Variants in FHIT observed in about 807,000 individuals in gnomAD.
FHIT encodes bis(5'-adenosyl)-triphosphatase.
FHIT carries 19 observed loss-of-function variants against 17.9 expected under a neutral mutation model. That is an observed-to-expected ratio of 1.06 (90% confidence interval 0.74 to 1.56). The LOEUF (loss-of-function observed/expected upper bound fraction) is 1.56. Among genes scored for constraint, FHIT ranks in the 40% most tolerant of loss-of-function variants. The pLI is 0.00. For synonymous variants in FHIT, 81 were observed against 69.7 expected, an observed-to-expected ratio of 1.16 and a Z score of -0.81; for missense variants, 248 against 189.2, an observed-to-expected ratio of 1.31 and a Z score of -1.82.
At chr3:60,339,753 G>T (rs749251820) in intron 5 of FHIT, among the ~76,000 whole-genome samples, 2 of 152,204 alleles carry the variant, frequency 1.3e-5, no homozygotes, top group African/African-American at 2.4e-5. Flanking sequence ...TGTGTGCACA[G>T]AAACCAACTC....
chr3:60,124,856 T>C (rs1449692843), intron 5 of FHIT, among the ~76,000 whole-genome samples: 2 of 152,178 alleles, frequency 1.3e-5, no homozygotes, highest in Non-Finnish European at 2.9e-5. Flanking sequence ...AAGTCCAAGC[T>C]TTCAGTGATT....
intron 5 of FHIT, among the ~76,000 whole-genome samples, chr3:60,420,331 T>C (rs1702422075): frequency 6.6e-6 from 1 of 152,170 alleles, no homozygotes; most frequent in African/African-American, 2.4e-5. Context: ...TTCATTCAAC[T>C]AGTCTCAAGT....
rs536683273 is a variant in FHIT at position 60,722,882 on chromosome 3, C to G, written c.-18+99037G>C. ...AGATTACAGGCAGGAGCCGCCACAT[C>G]CAGCGAATTTTTTGTAGTTTTAGTA... is the stretch of plus-strand genomic sequence containing the variant. On this transcript the variant is annotated intron_variant, in intron 4 of 9. Transcript: ENST00000492590. Among the ~76,000 whole-genome samples the G allele has an allele frequency of 3.3e-5, 5 of 152,118 alleles. No homozygotes were observed. In the South Asian group the frequency reaches 1.0e-3, roughly 32 times the overall value.
At chr3:60,089,840 T>C (rs115894613) in intron 5 of FHIT, among the ~76,000 whole-genome samples, 5,200 of 152,228 alleles carry the variant, frequency 0.034, 118 homozygotes, top group Non-Finnish European at 0.043. Context: ...TCTCGTAATA[T>C]TGTTGAATTG....
chr3:60,506,147 T>C (rs1282216160), intron 5 of FHIT, among the ~76,000 whole-genome samples: 1 of 152,188 alleles, frequency 6.6e-6, no homozygotes, highest in Non-Finnish European at 1.5e-5. Context: ...TAATTGAGCT[T>C]TCCATGTTAT....
chr3:60,638,599 T>C (rs566624466), intron 4 of FHIT, among the ~76,000 whole-genome samples: 2 of 152,142 alleles, frequency 1.3e-5, no homozygotes, highest in Non-Finnish European at 2.9e-5. Context: ...GTAATTTTAA[T>C]TTGAGATGTT....
Position 60,849,654 on chromosome 3 carries a change from A to G in FHIT, c.-110-27643T>C, listed in dbSNP as rs537464527. ...GAGCAGTCTGATTTACTTTGGTATC[A>G]AACAGACCTGCTTCTAAATGCCATT... On this transcript the variant is annotated intron_variant, in intron 3 of 9. Transcript: ENST00000492590. Among the ~76,000 whole-genome samples the G allele has an allele frequency of 4.6e-5, 7 of 152,148 alleles. 1 individual carries two copies. The highest frequency in any genetic ancestry group is 2.6e-4 in the Admixed American group (4 of 15,266).
At chr3:60,142,481 TTTA>T (rs1700079270) in intron 5 of FHIT, among the ~76,000 whole-genome samples, 1 of 143,408 alleles carries the variant, frequency 7.0e-6, no homozygotes, top group African/African-American at 2.6e-5. Flanking sequence ...TGCCAGGCTA[TTTA>T]TTTTTTAATT....
chr3:60,348,600 T>C (rs1710915850), intron 5 of FHIT, among the ~76,000 whole-genome samples: 1 of 152,218 alleles, frequency 6.6e-6, no homozygotes, highest in Admixed American at 6.5e-5. Context: ...TAAGTATACC[T>C]GGGACTTGGC....
intron 4 of FHIT, among the ~76,000 whole-genome samples, chr3:60,802,605 T>C (rs543115351): frequency 5.9e-5 from 9 of 152,310 alleles, no homozygotes; most frequent in African/African-American, 2.2e-4. Context: ...CAATATTTGT[T>C]TTTTTGTTTT....
intron 3 of FHIT, among the ~76,000 whole-genome samples, chr3:60,951,013 A>G (rs1222843881): frequency 1.3e-5 from 2 of 152,158 alleles, no homozygotes; most frequent in Admixed American, 6.5e-5. Context: ...TCAGCTCTAG[A>G]TTATCCTCTA....
intron 4 of FHIT, among the ~76,000 whole-genome samples, chr3:60,765,764 C>T (rs797040965): frequency 7.2e-5 from 11 of 152,326 alleles, no homozygotes; most frequent in African/African-American, 2.4e-4. Flanking sequence ...GAAAGATCCA[C>T]CTTCAGTGTG....
chr3:60,335,411 G>C (rs1208279699), intron 5 of FHIT, among the ~76,000 whole-genome samples: 1 of 152,150 alleles, frequency 6.6e-6, no homozygotes, highest in Non-Finnish European at 1.5e-5. Context: ...GTTGACAACA[G>C]GTAACATAGC....
At chr3:60,774,583 A>G (rs1328919640) in intron 4 of FHIT, among the ~76,000 whole-genome samples, 1 of 152,246 alleles carries the variant, frequency 6.6e-6, no homozygotes, top group African/African-American at 2.4e-5. Flanking sequence ...TACAGGCATG[A>G]GCCACTGTGC....
intron 3 of FHIT, among the ~76,000 whole-genome samples, chr3:61,016,196 G>C (rs952543807): frequency 6.6e-6 from 1 of 152,154 alleles, no homozygotes; most frequent in African/African-American, 2.4e-5. Flanking sequence ...CATATTTTAC[G>C]TAATGAGCAG....
intron 5 of FHIT, among the ~76,000 whole-genome samples, chr3:60,082,872 C>A (rs1256168586): frequency 2.6e-5 from 4 of 152,056 alleles, no homozygotes; most frequent in Non-Finnish European, 5.9e-5. Flanking sequence ...GGGTATTAGA[C>A]CTTTGTCAGA....
intron 4 of FHIT, among the ~76,000 whole-genome samples, chr3:60,800,174 T>C (rs1322075061): frequency 6.6e-6 from 1 of 152,182 alleles, no homozygotes; most frequent in Admixed American, 6.5e-5. Context: ...CCCACTTCTC[T>C]CTGCCTTCTC....
At chr3:61,052,895 A>G (rs562849305) in intron 2 of FHIT, among the ~76,000 whole-genome samples, 3 of 152,224 alleles carry the variant, frequency 2.0e-5, no homozygotes, top group African/African-American at 7.2e-5. Context: ...CTTCTTTCCT[A>G]TAAAGATTCA....
chr3:60,775,654 G>A lies in FHIT; in HGVS notation c.-18+46265C>T, dbSNP rs1203811725. On this transcript the variant is annotated intron_variant, in intron 4 of 9. Transcript: ENST00000492590. ...GCGCCCAACGTGGGGACTCGAGAAG[G>A]GGTAAGTGAGATGCAAACCAATAAT... Among the ~76,000 whole-genome samples the A allele has an allele frequency of 2.6e-5, 4 of 152,310 alleles. No individual in the cohort carries two copies. The East Asian group carries it at 7.7e-4, about 29-fold the overall frequency.
Sources: allele counts gnomAD v4.1 joint callset (sites outside exome capture counted in the v4.1 genomes callset), GRCh38; gene constraint gnomAD v4.1.1; transcripts MANE v1.5; gene names NCBI Gene and HGNC (gene_info 2026-07-23, HGNC 2026-07-21).